The following ZNF385B variants were observed in gnomAD, a reference collection of about 807,000 sequenced individuals.
The protein encoded by ZNF385B is zinc finger protein 533.
A neutral mutation model predicts 39.2 loss-of-function variants in ZNF385B; 23 were observed. That is an observed-to-expected ratio of 0.59 (90% confidence interval 0.42 to 0.83). The LOEUF (loss-of-function observed/expected upper bound fraction) is 0.83, where lower values mean the gene tolerates loss of function less well. Ranked by LOEUF, ZNF385B falls within the 40% of genes least tolerant of loss-of-function variation. ZNF385B has a pLI of 0.00. For synonymous variants in ZNF385B, 205 were observed against 222.6 expected, an observed-to-expected ratio of 0.92 and a Z score of 0.70; for missense variants, 552 against 598.9, an observed-to-expected ratio of 0.92 and a Z score of 0.82.
intron 5 of ZNF385B, among the ~76,000 whole-genome samples, chr2:179,514,856 G>A (rs7592538): frequency 6.7e-6 from 1 of 149,422 alleles, no homozygotes; most frequent in Non-Finnish European, 1.5e-5. Flanking sequence ...TCAGCTCACT[G>A]CAACCTCTGC....
intron 4 of ZNF385B, among the ~76,000 whole-genome samples, chr2:179,533,077 G>T (rs2059351940): frequency 6.6e-6 from 1 of 152,092 alleles, no homozygotes; most frequent in Admixed American, 6.6e-5. Context: ...ACAAAATGAA[G>T]GTTCCCCAGA....
chr2:179,484,852 A>T (rs2054391615), intron 5 of ZNF385B, among the ~76,000 whole-genome samples: 1 of 152,226 alleles, frequency 6.6e-6, no homozygotes, highest in South Asian at 2.1e-4. Flanking sequence ...GGATGCATAT[A>T]CACTAGTAGC....
chr2:179,710,031 G>T (rs902636748), intron 3 of ZNF385B, among the ~76,000 whole-genome samples: 8 of 152,180 alleles, frequency 5.3e-5, no homozygotes, highest in African/African-American at 1.9e-4. Context: ...GATATTCACT[G>T]ACATTTCCAC....
At chr2:179,646,153 G>T (rs1403514909) in intron 3 of ZNF385B, among the ~76,000 whole-genome samples, 1 of 152,346 alleles carries the variant, frequency 6.6e-6, no homozygotes, top group South Asian at 2.1e-4. Flanking sequence ...GGTGGCTCAT[G>T]CCTGTAATCC....
intron 3 of ZNF385B, among the ~76,000 whole-genome samples, chr2:179,633,416 C>T (rs1328113563): frequency 6.6e-6 from 1 of 152,108 alleles, no homozygotes; most frequent in Non-Finnish European, 1.5e-5. Context: ...AATCAATAAA[C>T]GTACTCCATC....
At chr2:179,770,800 C>T (rs974527192) in intron 1 of ZNF385B, 128 bp from the exon 2 acceptor site, 12 of 152,000 alleles carry the variant, frequency 7.9e-5, no homozygotes, top group South Asian at 2.1e-4. Flanking sequence ...AGAGTACAGA[C>T]GTAGATTATA....
chr2:179,749,259 C>T (rs1702542583), intron 3 of ZNF385B, among the ~76,000 whole-genome samples: 1 of 152,068 alleles, frequency 6.6e-6, no homozygotes, highest in Non-Finnish European at 1.5e-5. Context: ...ACAACAGTCT[C>T]TGGATTGCAG....
At chr2:179,598,451 A>G (rs1288749279) in intron 3 of ZNF385B, among the ~76,000 whole-genome samples, 1 of 152,126 alleles carries the variant, frequency 6.6e-6, no homozygotes, top group Non-Finnish European at 1.5e-5. Flanking sequence ...TCATCATGGC[A>G]TGGTTCTAAC....
At chr2:179,502,967 G>A (rs940421781) in intron 5 of ZNF385B, among the ~76,000 whole-genome samples, 4 of 152,064 alleles carry the variant, frequency 2.6e-5, no homozygotes, top group African/African-American at 4.8e-5. Flanking sequence ...TTGACCTCCC[G>A]GGGTCAAAGC....
chr2:179,542,180 C>G (rs2059960455), intron 4 of ZNF385B, among the ~76,000 whole-genome samples: 1 of 152,114 alleles, frequency 6.6e-6, no homozygotes. Flanking sequence ...ATGGAAATGT[C>G]TGTAGGAAAA....
intron 4 of ZNF385B, among the ~76,000 whole-genome samples, chr2:179,538,643 A>T (rs2059732244): frequency 6.6e-6 from 1 of 152,230 alleles, no homozygotes; most frequent in East Asian, 1.9e-4. Context: ...TCACAGAATC[A>T]TACAGTGGTT....
At chr2:179,704,110 A>G (rs1439138174) in intron 3 of ZNF385B, among the ~76,000 whole-genome samples, 1 of 152,216 alleles carries the variant, frequency 6.6e-6, no homozygotes, top group Non-Finnish European at 1.5e-5. Context: ...ATATTGTTAC[A>G]TATAGTAGCA....
chr2:179,666,081 T>G (rs948580125), intron 3 of ZNF385B, among the ~76,000 whole-genome samples: 2 of 152,180 alleles, frequency 1.3e-5, no homozygotes, highest in Non-Finnish European at 2.9e-5. Flanking sequence ...GAGATGATAT[T>G]TTGCAAACAA....
At chr2:179,656,680 T>G (rs145856999) in intron 3 of ZNF385B, among the ~76,000 whole-genome samples, 2 of 152,320 alleles carry the variant, frequency 1.3e-5, no homozygotes, top group East Asian at 3.9e-4. Context: ...TATTCATTGT[T>G]GCTCTCCTAA....
At chr2:179,766,209 A>G (rs1234452569) in intron 3 of ZNF385B, among the ~76,000 whole-genome samples, 3 of 152,128 alleles carry the variant, frequency 2.0e-5, no homozygotes, top group Admixed American at 6.5e-5. Context: ...TACTAGAAAC[A>G]AGTCTCAACC....
At chr2:179,488,337 G>A (rs1381024411) in intron 5 of ZNF385B, among the ~76,000 whole-genome samples, 1 of 152,090 alleles carries the variant, frequency 6.6e-6, no homozygotes, top group African/African-American at 2.4e-5. Flanking sequence ...GTAGAGAAGG[G>A]GTTTCACCCT....
chr2:179,704,158 TAATA>T (rs1339266758), intron 3 of ZNF385B, among the ~76,000 whole-genome samples: 1 of 152,224 alleles, frequency 6.6e-6, no homozygotes, highest in Non-Finnish European at 1.5e-5. Context: ...TGGAATTGGA[TAATA>T]AATCATGATA....
chr2:179,764,135 T>C (rs960295377), intron 3 of ZNF385B, among the ~76,000 whole-genome samples: 2 of 152,204 alleles, frequency 1.3e-5, no homozygotes, highest in Non-Finnish European at 2.9e-5. Flanking sequence ...TGAGGCTCTG[T>C]TGTCTGGTGC....
intron 3 of ZNF385B, among the ~76,000 whole-genome samples, chr2:179,703,988 A>T (rs1699402184): frequency 6.6e-6 from 1 of 152,218 alleles, no homozygotes; most frequent in Non-Finnish European, 1.5e-5. Context: ...TAAGTGATTG[A>T]ATTTAATCCC....
Sources: allele counts gnomAD v4.1 joint callset (sites outside exome capture counted in the v4.1 genomes callset), GRCh38; gene constraint gnomAD v4.1.1; transcripts MANE v1.5; gene names NCBI Gene and HGNC (gene_info 2026-07-23, HGNC 2026-07-21).